Variants in RBBP8 observed in about 807,000 individuals in gnomAD.
RBBP8 encodes DNA endonuclease RBBP8.
Under a neutral mutation model 108.3 loss-of-function variants are expected in RBBP8, and 88 were observed. The ratio of observed to expected loss-of-function variants is 0.81; its 90% CI spans 0.68 to 0.97. The LOEUF is 0.97. Among genes scored for constraint, RBBP8 ranks in the 50% least tolerant of loss-of-function variants. The pLI, the probability that RBBP8 is intolerant of heterozygous loss-of-function variation, is 0.00. For missense variants in RBBP8, 1,023 were observed against 1,049.0 expected, an observed-to-expected ratio of 0.98 and a Z score of 0.34; for synonymous variants, 332 against 348.2, an observed-to-expected ratio of 0.95 and a Z score of 0.52.
intron 5 of RBBP8, among the ~76,000 whole-genome samples, chr18:22,974,900 C>G (rs919712363): frequency 2.0e-5 from 3 of 152,146 alleles, no homozygotes; most frequent in Non-Finnish European, 4.4e-5. Context: ...ATGAAGTACC[C>G]TCTTTTGCCT....
Position 22,996,398 on chromosome 18 carries a change from G to A in RBBP8, c.1964G>A (p.Trp655Ter). 6.2e-7 allele frequency: 1 copy of A among 1,613,578 alleles called. No individual in the cohort carries two copies. Among genetic ancestry groups the A allele is most frequent in the Non-Finnish European group, 8.5e-7 (1 of 1,179,876 alleles). Residue 655 changes from tryptophan to a stop codon, truncating the protein, a stop_gained, in exon 13 of 19, where the codon TGG (tryptophan) becomes TAG (stop). Transcript: ENST00000327155. LOFTEE classifies it high-confidence loss of function. ...GATGTATCCTTTGAAAATATCCAGTGGAGTATAGATCCGGGAGCAGACCTT... is the reference window on the plus strand; with the variant it reads ...GATGTATCCTTTGAAAATATCCAGTAGAGTATAGATCCGGGAGCAGACCTT... ...NQDVSFENIQWSIDPGADLSQ... is the reference protein window; with the variant it reads ...NQDVSFENIQ
At chr18:22,975,983 A>G (rs768979745) in intron 6 of RBBP8, among the ~76,000 whole-genome samples, 10 of 152,164 alleles carry the variant, frequency 6.6e-5, no homozygotes, top group East Asian at 1.9e-4. Context: ...TAAAGCTTAT[A>G]TACTATTTTT....
intron 6 of RBBP8, among the ~76,000 whole-genome samples, chr18:22,981,649 A>G (rs1405246195): frequency 6.6e-6 from 1 of 152,168 alleles, no homozygotes; most frequent in Middle Eastern, 3.2e-3. Context: ...TACTACCATG[A>G]TGTTTAACGT....
chr18:22,983,288 A>G (rs1214285790), intron 7 of RBBP8, among the ~76,000 whole-genome samples: 1 of 152,352 alleles, frequency 6.6e-6, no homozygotes, highest in Non-Finnish European at 1.5e-5. Flanking sequence ...CTATATTTGT[A>G]TAATACAAAT....
chr18:22,916,144 C>T (rs1909346864), intron 2 of RBBP8, among the ~76,000 whole-genome samples: 1 of 152,010 alleles, frequency 6.6e-6, no homozygotes, highest in East Asian at 1.9e-4. Flanking sequence ...AAGTATTCCA[C>T]TCATTTAAAA....
chr18:22,947,677 C>T (rs1043877972), intron 3 of RBBP8, among the ~76,000 whole-genome samples: 6 of 152,114 alleles, frequency 3.9e-5, no homozygotes, highest in Non-Finnish European at 5.9e-5. Flanking sequence ...TGGATGAGGT[C>T]CAGGGTAGAC....
chr18:22,957,158 T>G (rs766664871), intron 4 of RBBP8, among the ~76,000 whole-genome samples: 13 of 152,196 alleles, frequency 8.5e-5, no homozygotes, highest in Non-Finnish European at 1.5e-4. Context: ...ATTCATAGAT[T>G]TGAATTTAAA....
At chr18:22,988,523 T>G (rs1198079154) in intron 8 of RBBP8, among the ~76,000 whole-genome samples, 2 of 152,214 alleles carry the variant, frequency 1.3e-5, no homozygotes, top group Non-Finnish European at 2.9e-5. Flanking sequence ...CGAGTCAGCT[T>G]AGGCATCACT....
rs773083095 is a variant in RBBP8, at chr18:22,991,064, G to T, written c.920+15G>T. ...GATAGTTTAAGGTAATTAAGGGCACGTTGGTGAAAACTGATAAGCTATTGG... is the reference window on the plus strand; with the variant it reads ...GATAGTTTAAGGTAATTAAGGGCACTTTGGTGAAAACTGATAAGCTATTGG... On this transcript the variant is annotated intron_variant, in intron 10 of 18. Coordinates refer to ENST00000327155, the MANE Select transcript of RBBP8 (RefSeq NM_002894.3). 1.0e-5 allele frequency: 16 copies of T among 1,561,996 alleles called. No homozygotes were observed. The highest frequency in any genetic ancestry group is 1.3e-5 in the Non-Finnish European group (15 of 1,135,500).
intron 3 of RBBP8, among the ~76,000 whole-genome samples, chr18:22,920,146 G>A (rs1909530859): frequency 6.6e-6 from 1 of 151,932 alleles, no homozygotes; most frequent in African/African-American, 2.4e-5. Flanking sequence ...AACAAAGTGA[G>A]ACCTCTGTCT....
intron 15 of RBBP8, among the ~76,000 whole-genome samples, chr18:23,004,056 CAAAAAAAAA>C (rs34653966): frequency 2.9e-5 from 2 of 69,670 alleles, no homozygotes; most frequent in Admixed American, 2.1e-4. Context: ...GACCCCGTCT[CAAAAAAAAA>C]AAAAAAAAAA....
At chr18:22,947,320 T>C (rs1911645696) in intron 3 of RBBP8, among the ~76,000 whole-genome samples, 1 of 152,072 alleles carries the variant, frequency 6.6e-6, no homozygotes. Context: ...ACATAATGTT[T>C]TGTCCATTTT....
intron 2 of RBBP8, 190 bp downstream of exon 2, chr18:22,937,150 G>C (rs1443829867): frequency 8.1e-7 from 1 of 1,229,246 alleles, no homozygotes; most frequent in African/African-American, 1.5e-5. Flanking sequence ...TCATCACCCA[G>C]GTAGTGAGCA....
intron 4 of RBBP8, among the ~76,000 whole-genome samples, chr18:22,957,582 G>C (rs1912692713): frequency 6.6e-6 from 1 of 152,088 alleles, no homozygotes; most frequent in Non-Finnish European, 1.5e-5. Context: ...GCCTTTTGTG[G>C]AATTGCCCTT....
At chr18:22,919,229 C>A (rs1909485123) in intron 3 of RBBP8, among the ~76,000 whole-genome samples, 2 of 152,126 alleles carry the variant, frequency 1.3e-5, no homozygotes, top group South Asian at 4.1e-4. Context: ...GACAAACATT[C>A]TGAGAGCTTG....
chr18:23,022,658 T>TAAATAAAATA (rs2046383455), intron 18 of RBBP8, among the ~76,000 whole-genome samples: 1 of 83,760 alleles, frequency 1.2e-5, no homozygotes, highest in African/African-American at 3.3e-5. Flanking sequence ...CAATATAAAA[T>TAAATAAAATA]AAAATAAAAT....
intron 12 of RBBP8, among the ~76,000 whole-genome samples, chr18:22,995,646 A>G (rs1008036236): frequency 2.6e-5 from 4 of 152,140 alleles, no homozygotes; most frequent in African/African-American, 9.7e-5. Context: ...TTTTCATATA[A>G]ATGGAATCGT....
chr18:22,924,066 T>A (rs1909696670), intron 3 of RBBP8, among the ~76,000 whole-genome samples: 1 of 152,132 alleles, frequency 6.6e-6, no homozygotes, highest in African/African-American at 2.4e-5. Flanking sequence ...TACAATCAAA[T>A]TTTAAAGTAC....
chr18:22,931,856 T>C (rs1910048588), upstream of RBBP8, among the ~76,000 whole-genome samples: 1 of 152,100 alleles, frequency 6.6e-6, no homozygotes. Context: ...TAATTTAAAA[T>C]TAAATATATA....
Sources: allele counts gnomAD v4.1 joint callset (sites outside exome capture counted in the v4.1 genomes callset), GRCh38; gene constraint gnomAD v4.1.1; transcripts MANE v1.5; gene names NCBI Gene and HGNC (gene_info 2026-07-23, HGNC 2026-07-21).